The following RABGAP1L variants were observed in gnomAD, a reference collection of about 807,000 sequenced individuals.
The protein encoded by RABGAP1L is RAB GTPase activating protein 1 like, also known as rab GTPase-activating protein 1-like.
Under a neutral mutation model 137.7 loss-of-function variants are expected in RABGAP1L, and 63 were observed. That is an observed-to-expected ratio of 0.46 (90% CI 0.37 to 0.56). The LOEUF (loss-of-function observed/expected upper bound fraction) is 0.56. RABGAP1L is among the 20% of genes least tolerant of loss of function. The pLI is 0.00. For missense variants in RABGAP1L, 1,095 were observed against 1,244.0 expected, an observed-to-expected ratio of 0.88 and a Z score of 1.80; for synonymous variants, 431 against 433.7, an observed-to-expected ratio of 0.99 and a Z score of 0.08.
intron 7 of RABGAP1L, 123 bp from the exon 8 acceptor site, chr1:174,272,291 A>T: frequency 3.0e-6 from 3 of 993,438 alleles, no homozygotes; most frequent in Non-Finnish European, 4.2e-6. Flanking sequence ...TTTTAGAAAA[A>T]AAACTAAAGC....
At chr1:174,601,225 C>T (rs1357213400) in intron 13 of RABGAP1L, among the ~76,000 whole-genome samples, 6 of 152,204 alleles carry the variant, frequency 3.9e-5, no homozygotes, top group African/African-American at 1.4e-4. Context: ...GGGCCCAGCC[C>T]ACAAAACTAC....
intron 19 of RABGAP1L, among the ~76,000 whole-genome samples, chr1:174,876,736 G>A (rs1340194081): frequency 6.6e-6 from 1 of 152,094 alleles, no homozygotes; most frequent in Non-Finnish European, 1.5e-5. Context: ...TGAGACTCTT[G>A]TATTGCTTTC....
chr1:174,690,253 C>A (rs1451773612), intron 15 of RABGAP1L, among the ~76,000 whole-genome samples: 1 of 152,070 alleles, frequency 6.6e-6, no homozygotes, highest in Non-Finnish European at 1.5e-5. Context: ...GCTTTAGTTT[C>A]TTGTTATCAT....
intron 18 of RABGAP1L, among the ~76,000 whole-genome samples, chr1:174,757,541 A>C (rs1419855565): frequency 6.7e-6 from 1 of 148,314 alleles, no homozygotes; most frequent in Non-Finnish European, 1.5e-5. Flanking sequence ...TAAATATATA[A>C]ATTTATTTAT....
At chr1:174,909,956 G>A (rs994343409) in intron 19 of RABGAP1L, among the ~76,000 whole-genome samples, 2 of 152,162 alleles carry the variant, frequency 1.3e-5, no homozygotes, top group African/African-American at 4.8e-5. Context: ...TAGCTAACAC[G>A]GTGAAACCCC....
intron 10 of RABGAP1L, among the ~76,000 whole-genome samples, chr1:174,282,847 T>C (rs1170691558): frequency 6.6e-6 from 1 of 152,184 alleles, no homozygotes; most frequent in Non-Finnish European, 1.5e-5. Context: ...TCCAGCATCA[T>C]TTGTTGAAAA....
intron 11 of RABGAP1L, among the ~76,000 whole-genome samples, chr1:174,369,877 G>A (rs1684960359): frequency 6.6e-6 from 1 of 152,100 alleles, no homozygotes; most frequent in Admixed American, 6.5e-5. Context: ...CTTTAAAGAT[G>A]ATGAAACATT....
intron 18 of RABGAP1L, among the ~76,000 whole-genome samples, chr1:174,757,673 C>T (rs1487570223): frequency 6.6e-6 from 1 of 151,616 alleles, no homozygotes; most frequent in Non-Finnish European, 1.5e-5. Context: ...CCAGTATTTT[C>T]TTTTTTGGGG....
At chr1:174,427,996 G>A (rs1018588668) in intron 13 of RABGAP1L, among the ~76,000 whole-genome samples, 2 of 152,108 alleles carry the variant, frequency 1.3e-5, no homozygotes, top group African/African-American at 4.8e-5. Flanking sequence ...CTGCAGTACG[G>A]TCTTTTTGAT....
intron 13 of RABGAP1L, among the ~76,000 whole-genome samples, chr1:174,614,320 T>A (rs1671575560): frequency 6.6e-6 from 1 of 152,216 alleles, no homozygotes; most frequent in African/African-American, 2.4e-5. Context: ...CTTATGAAAC[T>A]TAGTTTGGCT....
At chr1:174,238,099 C>T (rs955086733) in intron 4 of RABGAP1L, among the ~76,000 whole-genome samples, 26 of 152,076 alleles carry the variant, frequency 1.7e-4, no homozygotes, top group Non-Finnish European at 3.2e-4. Context: ...ACGTAGTTCT[C>T]GAGCCTTGGT....
chr1:174,740,383 A>G (rs115224876), intron 17 of RABGAP1L, among the ~76,000 whole-genome samples: 1 of 152,168 alleles, frequency 6.6e-6, no homozygotes, highest in South Asian at 2.1e-4. Context: ...GTTTCCCAAC[A>G]TGATATAAAC....
chr1:174,277,059 G>C (rs1170420270), intron 9 of RABGAP1L, among the ~76,000 whole-genome samples: 1 of 151,920 alleles, frequency 6.6e-6, no homozygotes, highest in South Asian at 2.1e-4. Flanking sequence ...GGAAGCATTC[G>C]TGAATACTGA....
chr1:174,411,921 G>T (rs1558211713), intron 13 of RABGAP1L, among the ~76,000 whole-genome samples: 1 of 152,108 alleles, frequency 6.6e-6, no homozygotes, highest in Admixed American at 6.6e-5. Context: ...CTTGGAGTAT[G>T]TTCTGGGTGC....
chr1:174,165,065 A>G (rs1664790965), intron 1 of RABGAP1L, among the ~76,000 whole-genome samples: 3 of 152,240 alleles, frequency 2.0e-5, no homozygotes, highest in Non-Finnish European at 4.4e-5. Context: ...TATGGAAACA[A>G]CAGTGATAAT....
chr1:174,270,836 C>G (rs936303357), intron 7 of RABGAP1L, among the ~76,000 whole-genome samples: 1 of 151,882 alleles, frequency 6.6e-6, no homozygotes, highest in Non-Finnish European at 1.5e-5. Flanking sequence ...GTTCTTAAAA[C>G]AAAAAACCAT....
At chr1:174,246,140 A>G (rs1474142753) in intron 5 of RABGAP1L, 2 of 152,218 alleles carry the variant, frequency 1.3e-5, no homozygotes, top group African/African-American at 4.8e-5. Flanking sequence ...AAAAGAAAAT[A>G]AAAGGTGCTT....
chr1:174,548,293 T>A, intron 13 of RABGAP1L: 1 of 1,288,042 alleles, frequency 7.8e-7, no homozygotes, highest in Non-Finnish European at 9.9e-7. Flanking sequence ...AGTTAAGTTG[T>A]TTACCCTCTT....
In RABGAP1L at chr1:174,396,955, A is replaced by G. The variant is rs543451170; in HGVS notation, c.1710+2810A>G. Among the ~76,000 whole-genome samples, 46 of 150,370 alleles carry G rather than the reference A, an allele frequency of 3.1e-4. No homozygotes were observed. The East Asian group carries it at 8.5e-3, about 28-fold the overall frequency. ...CGATTTCAAGACCAGCCTAGGCTAC[A>G]TAGTGAGACGCTGTCTCTACAAAAA... On this transcript the variant is annotated intron_variant, in intron 13 of 25. Coordinates refer to ENST00000681986, the MANE Select transcript of RABGAP1L (RefSeq NM_001366446.1).
Sources: allele counts gnomAD v4.1 joint callset (sites outside exome capture counted in the v4.1 genomes callset), GRCh38; gene constraint gnomAD v4.1.1; transcripts MANE v1.5; gene names NCBI Gene and HGNC (gene_info 2026-07-23, HGNC 2026-07-21).